Variants in TMEM117 observed in about 807,000 individuals in gnomAD.
TMEM117 encodes the protein transmembrane protein 117.
In TMEM117, 27 loss-of-function variants were observed where a neutral mutation model predicts 52.4. That is an observed-to-expected ratio of 0.51 (90% CI 0.38 to 0.71). The LOEUF is 0.71. Among genes scored for constraint, TMEM117 ranks in the 30% least tolerant of loss-of-function variants. The pLI, the probability that TMEM117 is intolerant of heterozygous loss-of-function variation, is 0.00. For synonymous variants in TMEM117, 215 were observed against 206.3 expected (o/e 1.04, Z -0.36); for missense variants, 556 against 630.5 (o/e 0.88, Z 1.26).
chr12:43,866,433 T>C (rs895121036), intron 2 of TMEM117, among the ~76,000 whole-genome samples: 9 of 148,134 alleles, frequency 6.1e-5, no homozygotes, highest in Admixed American at 2.0e-4. Flanking sequence ...AAAAAAGTTA[T>C]GTGAAGCGGT....
chr12:43,830,524 C>T, the TMEM117 span, among the ~76,000 whole-genome samples: 1 of 150,632 alleles, frequency 6.6e-6, no homozygotes, highest in African/African-American at 2.4e-5. Flanking sequence ...GTAGGAGAAT[C>T]GCTTGAACCC....
At chr12:44,373,771 CTTTTTTTTTTTTTT>C (rs142046499) in intron 6 of TMEM117, among the ~76,000 whole-genome samples, 5 of 60,078 alleles carry the variant, frequency 8.3e-5, no homozygotes, top group South Asian at 1.1e-3. Flanking sequence ...TGTCCATTTC[CTTTTTTTTTTTTTT>C]TTTTTTTTTT....
At chr12:44,221,706 CT>C (rs1199665157) in intron 5 of TMEM117, among the ~76,000 whole-genome samples, 5 of 148,528 alleles carry the variant, frequency 3.4e-5, no homozygotes, top group African/African-American at 4.9e-5. Context: ...CTCCCTCTTT[CT>C]TTTTTTTTTG....
At chr12:44,144,495 A>G (rs1350640297) in intron 4 of TMEM117, among the ~76,000 whole-genome samples, 1 of 152,240 alleles carries the variant, frequency 6.6e-6, no homozygotes, top group Non-Finnish European at 1.5e-5. Context: ...TGGCATGGAC[A>G]TGTCCCTGCA....
At chr12:43,811,373 AG>A in the TMEM117 span, among the ~76,000 whole-genome samples, 1 of 152,210 alleles carries the variant, frequency 6.6e-6, no homozygotes, top group African/African-American at 2.4e-5. Flanking sequence ...ACCACAAATT[AG>A]GATAGTGGAA....
chr12:43,813,007 C>CAA, the TMEM117 span, among the ~76,000 whole-genome samples: 2,760 of 143,032 alleles, frequency 0.019, 86 homozygotes, highest in African/African-American at 0.063. Context: ...ACCCTGTCTC[C>CAA]AAAAAAAAAA....
intron 3 of TMEM117, among the ~76,000 whole-genome samples, chr12:44,115,977 C>A (rs925930197): frequency 6.6e-6 from 1 of 152,172 alleles, no homozygotes; most frequent in African/African-American, 2.4e-5. Flanking sequence ...AGCCAAGCTT[C>A]ACATTAAAAT....
chr12:43,829,961 G>A, the TMEM117 span, among the ~76,000 whole-genome samples: 1 of 151,786 alleles, frequency 6.6e-6, no homozygotes, highest in Admixed American at 6.6e-5. Flanking sequence ...GGTGGTGCGT[G>A]CCGATAGTCC....
At chr12:43,927,434 A>T (rs1287881650) in intron 2 of TMEM117, among the ~76,000 whole-genome samples, 2 of 150,366 alleles carry the variant, frequency 1.3e-5, no homozygotes, top group South Asian at 2.1e-4. Flanking sequence ...ATCTTTGTTA[A>T]TTTTTTTTGT....
At chr12:44,233,076 T>A (rs1418579786) in intron 5 of TMEM117, among the ~76,000 whole-genome samples, 1 of 151,308 alleles carries the variant, frequency 6.6e-6, no homozygotes, top group Non-Finnish European at 1.5e-5. Flanking sequence ...GAATGACAGC[T>A]TTGTTTTCAC....
At chr12:44,002,010 G>A (rs1475196112) in intron 3 of TMEM117, among the ~76,000 whole-genome samples, 1 of 152,068 alleles carries the variant, frequency 6.6e-6, no homozygotes, top group East Asian at 1.9e-4. Context: ...GGAGGACATG[G>A]CACCACCTGT....
chr12:44,054,099 A>T (rs968115472), intron 3 of TMEM117, among the ~76,000 whole-genome samples: 8 of 152,204 alleles, frequency 5.3e-5, no homozygotes, highest in African/African-American at 1.9e-4. Flanking sequence ...AATGTGAGTT[A>T]TATACACCCT....
At chr12:44,078,978 T>C (rs1362503532) in intron 3 of TMEM117, among the ~76,000 whole-genome samples, 1 of 151,804 alleles carries the variant, frequency 6.6e-6, no homozygotes. Flanking sequence ...TTTTCTGTTC[T>C]TGTGTTAGTT....
intron 3 of TMEM117, among the ~76,000 whole-genome samples, chr12:44,076,854 A>G (rs1444259389): frequency 1.3e-5 from 2 of 152,152 alleles, no homozygotes; most frequent in African/African-American, 4.8e-5. Context: ...AAAAATCAAA[A>G]CACCAACCAT....
upstream of TMEM117, among the ~76,000 whole-genome samples, chr12:43,831,748 T>G (rs533696962): frequency 2.9e-4 from 44 of 152,298 alleles, no homozygotes; most frequent in African/African-American, 1.0e-3. Context: ...TTCACCATAT[T>G]GGCCAGGCTG....
chr12:44,304,215 G>T (rs2138653219), intron 6 of TMEM117, among the ~76,000 whole-genome samples: 1 of 152,300 alleles, frequency 6.6e-6, no homozygotes, highest in Non-Finnish European at 1.5e-5. Flanking sequence ...AGTGACTATG[G>T]GACTTTGCAT....
rs1479980235 is a variant in TMEM117 at position 43,908,100 on chromosome 12, G to A, written c.278-36110G>A. On this transcript the variant is annotated intron_variant, in intron 2 of 7. Coordinates refer to ENST00000266534, the MANE Select transcript of TMEM117 (RefSeq NM_032256.3). ...AATGTGAAGGGCAGCCAGAGAGAAA[G>A]GTCGGGTTACCCTCAAAGGGAAGCC... 2.1e-4 allele frequency among the ~76,000 whole-genome samples: 13 copies of A among 62,006 alleles called. 5 individuals carry two copies. Among genetic ancestry groups the A allele is most frequent in the Non-Finnish European group, 5.9e-4 (11 of 18,610 alleles). 40.7% of individuals were successfully genotyped at this position (62,006 alleles called of 152,430 possible).
chr12:44,288,767 C>T (rs953538410), intron 5 of TMEM117, among the ~76,000 whole-genome samples: 2 of 152,044 alleles, frequency 1.3e-5, no homozygotes, highest in African/African-American at 2.4e-5. Context: ...GTTTAAAGTG[C>T]ACAACATGAT....
At chr12:44,237,498 T>A (rs1950011577) in intron 5 of TMEM117, among the ~76,000 whole-genome samples, 1 of 151,998 alleles carries the variant, frequency 6.6e-6, no homozygotes. Flanking sequence ...GGCAGGCAGA[T>A]CACTTGATCT....
Sources: allele counts gnomAD v4.1 joint callset (sites outside exome capture counted in the v4.1 genomes callset), GRCh38; gene constraint gnomAD v4.1.1; transcripts MANE v1.5; gene names NCBI Gene and HGNC (gene_info 2026-07-23, HGNC 2026-07-21).